Variants in HERC1 observed in about 807,000 individuals in gnomAD.
HERC1 encodes the protein probable E3 ubiquitin-protein ligase HERC1.
A neutral mutation model predicts 554.3 loss-of-function variants in HERC1; 160 were observed. That is an observed-to-expected ratio of 0.29 (90% CI 0.25 to 0.33). The LOEUF (loss-of-function observed/expected upper bound fraction) is 0.33. HERC1 is among the 10% of genes least tolerant of loss of function. HERC1 has a pLI of 1.00. For synonymous variants in HERC1, 2,175 were observed against 2,131.7 expected (o/e 1.02, Z -0.56); for missense variants, 4,919 against 5,918.5 (o/e 0.83, Z 5.54).
Position 63,698,636 on chromosome 15 carries a change from A to T in HERC1, c.4905+92T>A, listed in dbSNP as rs964381689. The T allele has an allele frequency of 8.6e-6, 11 of 1,273,898 alleles. No individual in the cohort carries two copies. In the African/African-American group the frequency reaches 1.5e-4, roughly 17 times the overall value. 78.9% of individuals were successfully genotyped at this position (1,273,898 alleles called of 1,614,324 possible). A position where few individuals can be genotyped will look rare whatever the true frequency, so the allele number is the denominator to read the frequency against. On this transcript the variant is annotated intron_variant, in intron 26 of 77. Coordinates refer to ENST00000443617, the MANE Select transcript of HERC1 (RefSeq NM_003922.4). ...AGGAAAGGGGAAGGCAAGGAATAGA[A>T]GAAAAGGAAAGGTTTTCCCTAGAAC...
In HERC1 at chr15:63,666,368, T is replaced by G. The variant is rs372191034; in HGVS notation, c.8311A>C (p.Met2771Leu). 1 of 1,611,466 alleles carries G rather than the reference T, an allele frequency of 6.2e-7. No individual in the cohort carries two copies. The highest frequency in any genetic ancestry group is 8.5e-7 in the Non-Finnish European group (1 of 1,177,740). Reference protein sequence around the residue: ...GFSLRQIAKAMEATGARGEAD... With the variant: ...GFSLRQIAKALEATGARGEAD... ...AAACTTATCCTACCTGTAGCTTCCA[T>G]GGCTTTGGCAATCTGCCGAAGAGAG... Residue 2771 changes from methionine to leucine, a missense_variant, in exon 41 of 78, where the codon ATG (methionine) becomes CTG (leucine). Transcript: ENST00000443617.
chr15:63,690,814 C>T (rs1382240481), intron 31 of HERC1, among the ~76,000 whole-genome samples, 167 bp from the exon 32 acceptor site: 2 of 152,158 alleles, frequency 1.3e-5, no homozygotes, highest in Admixed American at 6.5e-5. Context: ...CCCATGAATG[C>T]GTATGAATAC....
At chr15:63,693,359 T>G (rs1439259556) in intron 30 of HERC1, among the ~76,000 whole-genome samples, 3 of 151,856 alleles carry the variant, frequency 2.0e-5, no homozygotes, top group Non-Finnish European at 4.4e-5. Flanking sequence ...TTCTTGTGCT[T>G]TAGCCTCCCA....
In HERC1 at chr15:63,704,832, G is replaced by C. The variant is rs987482936; in HGVS notation, c.4636+1948C>G. Among the ~76,000 whole-genome samples, 3 of 149,282 alleles carry C rather than the reference G, an allele frequency of 2.0e-5. No homozygotes were observed. The Admixed American group carries it at 2.0e-4, about 10-fold the overall frequency. ...CGGCTCACTGCAAGCTCCGCTTCCTGGGTTCACACCATTCTCCTGCCTCAG... is the reference window on the plus strand; with the variant it reads ...CGGCTCACTGCAAGCTCCGCTTCCTCGGTTCACACCATTCTCCTGCCTCAG... On this transcript the variant is annotated intron_variant, in intron 25 of 77. Transcript: ENST00000443617.
At chr15:63,615,700 C>T in intron 76 of HERC1, 68 bp downstream of exon 76, 2 of 1,332,708 alleles carry the variant, frequency 1.5e-6, no homozygotes, top group Non-Finnish European at 1.0e-6. Flanking sequence ...TTTTGGCATA[C>T]CCAGTCAGCT....
rs778317402 is a variant in HERC1 at position 63,694,323 on chromosome 15, G to A, written c.5469C>T (p.Ala1823=). The change falls in exon 29 of 78, where the codon GCC becomes GCT. Residue 1823 remains alanine, a synonymous_variant. Coordinates refer to ENST00000443617, the MANE Select transcript of HERC1 (RefSeq NM_003922.4). This position sits in a 1 kb window ranked among gnomAD's most constrained non-coding sequence, Gnocchi z 4.3. ...TCTACCATACTTACCCAGTAGTGAT[G>A]GCTAGAATCTGGAGCAACCTTGTAC... ...VASTRLLQIL[A]ITTGTYADKL... The A allele has an allele frequency of 1.9e-6, 3 of 1,612,976 alleles. No homozygotes were observed. Among genetic ancestry groups the A allele is most frequent in the Non-Finnish European group, 2.5e-6 (3 of 1,179,380 alleles).
At chr15:63,693,384 C>T (rs1044457826) in intron 30 of HERC1, among the ~76,000 whole-genome samples, 1 of 151,916 alleles carries the variant, frequency 6.6e-6, no homozygotes, top group East Asian at 1.9e-4. Context: ...GCTGGCACTA[C>T]AGGCATGCGT....
chr15:63,622,152 G>T (rs1390359692), intron 74 of HERC1, among the ~76,000 whole-genome samples: 2 of 152,072 alleles, frequency 1.3e-5, no homozygotes, highest in African/African-American at 2.4e-5. Flanking sequence ...TGACTTGCTA[G>T]CATAATAACA....
At chr15:63,617,785 C>G (rs1234393350) in intron 74 of HERC1, among the ~76,000 whole-genome samples, 1 of 152,062 alleles carries the variant, frequency 6.6e-6, no homozygotes, top group Non-Finnish European at 1.5e-5. Flanking sequence ...TTTCATGTGT[C>G]TTTTGGCTGC....
At chr15:63,744,125 T>C (rs1250109087) in intron 12 of HERC1, among the ~76,000 whole-genome samples, 1 of 69,562 alleles carries the variant, frequency 1.4e-5, no homozygotes, top group Non-Finnish European at 3.5e-5. Flanking sequence ...TGTGTGTGTG[T>C]GTGTGTGTGT....
At chr15:63,819,439 C>T (rs957039135) in intron 1 of HERC1, among the ~76,000 whole-genome samples, 7 of 152,198 alleles carry the variant, frequency 4.6e-5, no homozygotes, top group African/African-American at 1.7e-4. Context: ...TCTATTTGCA[C>T]TCTAGACAGT....
At chr15:63,831,254 G>T (rs998665582) in intron 1 of HERC1, among the ~76,000 whole-genome samples, 1 of 152,040 alleles carries the variant, frequency 6.6e-6, no homozygotes, top group South Asian at 2.1e-4. Flanking sequence ...TTGCAGGTAT[G>T]CACCACCACG....
At chr15:63,794,540 C>G (rs1382866031) in intron 1 of HERC1, among the ~76,000 whole-genome samples, 4 of 152,100 alleles carry the variant, frequency 2.6e-5, no homozygotes, top group African/African-American at 9.7e-5. Flanking sequence ...TGAAGCTAAC[C>G]AGAGGTGACC....
intron 1 of HERC1, among the ~76,000 whole-genome samples, chr15:63,823,863 A>G (rs897040312): frequency 1.3e-5 from 2 of 152,228 alleles, no homozygotes; most frequent in Non-Finnish European, 2.9e-5. Context: ...AACAAAATGA[A>G]AACGTAGCCT....
At chr15:63,783,303 C>T (rs1266733928) in intron 1 of HERC1, among the ~76,000 whole-genome samples, 1 of 152,130 alleles carries the variant, frequency 6.6e-6, no homozygotes, top group Non-Finnish European at 1.5e-5. Flanking sequence ...CTTTCAGCAA[C>T]CCCCATCCCG....
At chr15:63,738,288 A>G (rs1216341142) in intron 12 of HERC1, among the ~76,000 whole-genome samples, 3 of 152,230 alleles carry the variant, frequency 2.0e-5, no homozygotes, top group African/African-American at 7.2e-5. Context: ...GTTGCAGGAC[A>G]CTAAATTGTT....
In HERC1 at chr15:63,800,762, G is replaced by A. The variant is rs549585157; in HGVS notation, c.-26-25113C>T. On this transcript the variant is annotated intron_variant, in intron 1 of 77. Coordinates refer to ENST00000443617, the MANE Select transcript of HERC1 (RefSeq NM_003922.4). ...GTTCGTAATTTCCTTTGTGATAGGGGAATAGGAGCATCTTTTGTTATTCGT... is the reference window on the plus strand; with the variant it reads ...GTTCGTAATTTCCTTTGTGATAGGGAAATAGGAGCATCTTTTGTTATTCGT... 4.9e-4 allele frequency among the ~76,000 whole-genome samples: 75 copies of A among 152,286 alleles called. No homozygotes were observed. The Middle Eastern group carries it at 0.01, about 21-fold the overall frequency.
intron 4 of HERC1, among the ~76,000 whole-genome samples, chr15:63,757,236 CA>C (rs2075448594): frequency 7.3e-6 from 1 of 136,106 alleles, no homozygotes; most frequent in Admixed American, 7.4e-5. Context: ...GCTAATCTAG[CA>C]AAAAGAAATT....
At chr15:63,613,091 T>C (rs982765236) in intron 76 of HERC1, among the ~76,000 whole-genome samples, 3 of 152,354 alleles carry the variant, frequency 2.0e-5, no homozygotes, top group African/African-American at 7.2e-5. Context: ...AAATGGGAAG[T>C]CCTTCTTTAG....
Sources: allele counts gnomAD v4.1 joint callset (sites outside exome capture counted in the v4.1 genomes callset), GRCh38; gene constraint gnomAD v4.1.1; non-coding constraint Gnocchi (gnomAD v3.1); transcripts MANE v1.5; gene names NCBI Gene and HGNC (gene_info 2026-07-23, HGNC 2026-07-21).